The following DENND1B variants were observed in gnomAD, a reference collection of about 807,000 sequenced individuals.
The protein encoded by DENND1B is DENN domain containing 1B.
In DENND1B, 59 loss-of-function variants were observed where a neutral mutation model predicts 90.1. The ratio of observed to expected loss-of-function variants is 0.65; its 90% confidence interval spans 0.53 to 0.81. DENND1B has a LOEUF of 0.81. DENND1B is among the 40% of genes least tolerant of loss of function. The pLI is 0.00. For synonymous variants in DENND1B, 337 were observed against 324.6 expected (o/e 1.04, Z -0.41); for missense variants, 862 against 912.6 (o/e 0.94, Z 0.71).
chr1:197,742,151 T>C (rs1452653828), intron 2 of DENND1B, among the ~76,000 whole-genome samples: 1 of 152,214 alleles, frequency 6.6e-6, no homozygotes, highest in Admixed American at 6.5e-5. Context: ...TTAGTAATTT[T>C]TTCTTTCAAA....
intron 5 of DENND1B, among the ~76,000 whole-genome samples, chr1:197,660,083 G>C (rs1336721458): frequency 6.6e-6 from 1 of 151,564 alleles, no homozygotes; most frequent in Non-Finnish European, 1.5e-5. Flanking sequence ...AAAAAGTAAA[G>C]ATAGAAAGTT....
At chr1:197,702,538 A>C (rs148142763) in intron 3 of DENND1B, among the ~76,000 whole-genome samples, 2 of 152,348 alleles carry the variant, frequency 1.3e-5, no homozygotes, top group East Asian at 3.9e-4. Flanking sequence ...AGGTAACCAA[A>C]ATGTGGAATT....
intron 8 of DENND1B, 55 bp from the exon 9 acceptor site, chr1:197,645,798 T>C (rs1275296117): frequency 3.3e-6 from 4 of 1,198,020 alleles, no homozygotes; most frequent in Non-Finnish European, 4.6e-6. Flanking sequence ...TGGTAACATA[T>C]AATTTGTAAT....
intron 3 of DENND1B, among the ~76,000 whole-genome samples, chr1:197,697,257 T>C (rs1658529777): frequency 6.6e-6 from 1 of 151,690 alleles, no homozygotes; most frequent in African/African-American, 2.4e-5. Flanking sequence ...AGGGGATTTT[T>C]TTTTATGGCA....
intron 2 of DENND1B, among the ~76,000 whole-genome samples, chr1:197,760,618 G>A (rs574225686): frequency 6.7e-6 from 1 of 150,098 alleles, no homozygotes; most frequent in East Asian, 2.0e-4. Flanking sequence ...CTTCAGCCTG[G>A]GCAACAGAGT....
rs150165687 is a variant in DENND1B, at chr1:197,636,481, G to T, written c.672+6230C>A. Among the ~76,000 whole-genome samples the T allele has an allele frequency of 7.1e-3, 1,084 of 152,218 alleles. 22 individuals are homozygous for T. Among genetic ancestry groups the T allele is most frequent in the African/African-American group, 0.024 (1,016 of 41,540 alleles). On this transcript the variant is annotated intron_variant, in intron 10 of 22. Transcript: ENST00000620048. ...TAAGCATATACTTTGGAATCATACA[G>T]AACTGGTTAAACCAATTCCTAGTAC...
intron 3 of DENND1B, among the ~76,000 whole-genome samples, chr1:197,704,254 T>C (rs988255569): frequency 6.6e-6 from 1 of 152,126 alleles, no homozygotes; most frequent in Non-Finnish European, 1.5e-5. Flanking sequence ...AGAAACTGCC[T>C]CAATCAATCA....
At chr1:197,610,198 A>C (rs1292602317) in intron 12 of DENND1B, among the ~76,000 whole-genome samples, 2 of 150,730 alleles carry the variant, frequency 1.3e-5, no homozygotes, top group East Asian at 2.0e-4. Context: ...GATTTCAACC[A>C]GTCTAATAAT....
intron 10 of DENND1B, among the ~76,000 whole-genome samples, chr1:197,625,416 G>A: frequency 6.6e-6 from 1 of 152,096 alleles, no homozygotes; most frequent in African/African-American, 2.4e-5. Context: ...GCCAAACTAA[G>A]CTTCATAAGT....
chr1:197,720,921 A>G (rs1661111010), intron 2 of DENND1B, among the ~76,000 whole-genome samples: 1 of 152,184 alleles, frequency 6.6e-6, no homozygotes, highest in Admixed American at 6.5e-5. Context: ...ATTATTTTGA[A>G]GTTAACCTAT....
Position 197,506,229 on chromosome 1 carries a change from TTC to T in DENND1B, c.*4229_*4230del, listed in dbSNP as rs1195867470. ...ATCCTATTTTCAAAATAAAATATTCTTCTGTCTAAATGTATATAATTCCTTAT... is the reference window on the plus strand; with the variant it reads ...ATCCTATTTTCAAAATAAAATATTCTTGTCTAAATGTATATAATTCCTTAT... On this transcript the variant is annotated 3_prime_UTR_variant, in exon 23 of 23. Coordinates refer to ENST00000620048, the MANE Select transcript of DENND1B (RefSeq NM_001195215.2). 2 of 151,626 alleles carry T rather than the reference TTC, an allele frequency of 1.3e-5. No homozygotes were observed. The highest frequency in any genetic ancestry group is 3.0e-5 in the Non-Finnish European group (2 of 67,678). 9.4% of individuals were successfully genotyped at this position (151,626 alleles called of 1,614,324 possible). A position where few individuals can be genotyped will look rare whatever the true frequency, so the allele number is the denominator to read the frequency against.
chr1:197,740,624 C>T lies in DENND1B; in HGVS notation c.83-25550G>A, dbSNP rs547987350. On this transcript the variant is annotated intron_variant, in intron 2 of 22. Transcript: ENST00000620048. ...GTAGTTGAAGAACTAAACAATAATA[C>T]AATTAAAATGACAGAATGTTTAAAT... Among the ~76,000 whole-genome samples the T allele has an allele frequency of 7.3e-4, 111 of 152,212 alleles. 1 individual carries two copies. Among genetic ancestry groups the T allele is most frequent in the African/African-American group, 2.6e-3 (108 of 41,556 alleles).
intron 5 of DENND1B, among the ~76,000 whole-genome samples, chr1:197,659,472 A>C (rs1294010147): frequency 6.6e-6 from 1 of 152,012 alleles, no homozygotes; most frequent in Non-Finnish European, 1.5e-5. Flanking sequence ...AATGATATGA[A>C]AACTGATATG....
At chr1:197,778,133 C>A (rs929461642), upstream of DENND1B, among the ~76,000 whole-genome samples, 2 of 152,166 alleles carry the variant, frequency 1.3e-5, no homozygotes, top group Non-Finnish European at 2.9e-5. Context: ...CTAATAAATA[C>A]AACCATTCAT....
chr1:197,764,223 CTTGCCTCAA>C (rs1189174638), intron 2 of DENND1B, among the ~76,000 whole-genome samples: 1 of 152,160 alleles, frequency 6.6e-6, no homozygotes, highest in Non-Finnish European at 1.5e-5. Flanking sequence ...AGTTGTTGAA[CTTGCCTCAA>C]TTTCCTTATG....
chr1:197,603,891 T>C (rs115942017), intron 13 of DENND1B, among the ~76,000 whole-genome samples: 2,983 of 151,450 alleles, frequency 0.02, 51 homozygotes, highest in South Asian at 0.064. Context: ...TCAAGTCATT[T>C]GAGATTTCAA....
chr1:197,642,505 T>C (rs1680350987), intron 10 of DENND1B, among the ~76,000 whole-genome samples: 1 of 152,050 alleles, frequency 6.6e-6, no homozygotes. Flanking sequence ...TAAGAAAAAA[T>C]AATTAACCTG....
chr1:197,696,052 A>G (rs1196818422), intron 3 of DENND1B, among the ~76,000 whole-genome samples: 2 of 151,306 alleles, frequency 1.3e-5, no homozygotes, highest in Non-Finnish European at 3.0e-5. Context: ...TTTTTATTCA[A>G]TAATGACCCA....
chr1:197,667,019 A>C (rs1287706259), intron 5 of DENND1B, among the ~76,000 whole-genome samples: 1 of 152,004 alleles, frequency 6.6e-6, no homozygotes, highest in Admixed American at 6.6e-5. Context: ...CTGTATTCCC[A>C]GCTACTCTGG....
Sources: gnomAD v4.1 joint callset for allele counts (sites outside exome capture counted in the v4.1 genomes callset) on GRCh38, gnomAD v4.1.1 for gene constraint, MANE v1.5 for transcripts, NCBI Gene and HGNC (gene_info 2026-07-23, HGNC 2026-07-21) for gene names.